Variants in FYB1 observed in about 807,000 individuals in gnomAD.
The protein encoded by FYB1 is FYN binding protein 1.
FYB1 carries 41 observed loss-of-function variants against 94.1 expected under a neutral mutation model. The ratio of observed to expected loss-of-function variants is 0.44; its 90% confidence interval spans 0.34 to 0.57. The LOEUF (loss-of-function observed/expected upper bound fraction) is 0.57. Among genes scored for constraint, FYB1 ranks in the 20% least tolerant of loss-of-function variants. FYB1 has a pLI of 0.02. For missense variants in FYB1, 1,050 were observed against 976.8 expected (o/e 1.07, Z -1.00); for synonymous variants, 367 against 353.2 (o/e 1.04, Z -0.44).
rs1442591393 is a variant in FYB1, at chr5:39,263,503, A to G, written c.-28+10900T>C. The stretch of plus-strand genomic sequence containing the variant: ...GTGTGTGGAGTGATATTAGCCTATC[A>G]CTCAGGACTATGATTGGCCTCCACA... On this transcript the variant is annotated intron_variant, in intron 1 of 1. Coordinates refer to the FYB1 transcript ENST00000510188. 2.0e-5 allele frequency among the ~76,000 whole-genome samples: 3 copies of G among 151,972 alleles called. No individual in the cohort carries two copies. The East Asian group carries it at 5.8e-4, about 29-fold the overall frequency.
chr5:39,152,300 G>A (rs1235503573), intron 3 of FYB1, among the ~76,000 whole-genome samples: 1 of 152,134 alleles, frequency 6.6e-6, no homozygotes, highest in Non-Finnish European at 1.5e-5. Context: ...AAATGGTGGT[G>A]TTTTTCCATG....
At chr5:39,262,134 A>G (rs950675721) in intron 1 of FYB1, among the ~76,000 whole-genome samples, 1 of 152,174 alleles carries the variant, frequency 6.6e-6, no homozygotes, top group Admixed American at 6.5e-5. Context: ...AATGATAAAG[A>G]CTTATTTTAA....
At chr5:39,234,200 T>A (rs1750862580) in intron 1 of FYB1, among the ~76,000 whole-genome samples, 1 of 152,152 alleles carries the variant, frequency 6.6e-6, no homozygotes, top group Admixed American at 6.6e-5. Context: ...ATAAAGAGTA[T>A]GAGAAAAGGT....
chr5:39,180,364 A>G (rs895816084), intron 2 of FYB1, among the ~76,000 whole-genome samples: 1 of 152,146 alleles, frequency 6.6e-6, no homozygotes, highest in Non-Finnish European at 1.5e-5. Flanking sequence ...GATGCCCTTC[A>G]CCAGCGCTTA....
rs994372276 is a variant in FYB1 at position 39,244,851 on chromosome 5, T to C, written c.-28+29552A>G. Among the ~76,000 whole-genome samples, 5 of 152,354 alleles carry C rather than the reference T, an allele frequency of 3.3e-5. No homozygotes were observed. The South Asian group carries it at 1.0e-3, about 32-fold the overall frequency. On this transcript the variant is annotated intron_variant, in intron 1 of 1. Coordinates refer to the FYB1 transcript ENST00000510188. ...TTGGTGTATTCAGAGATTCAACTTCTTCCTGGTTTAGTCTTGGGAGGGTGT... is the reference window on the plus strand; with the variant it reads ...TTGGTGTATTCAGAGATTCAACTTCCTCCTGGTTTAGTCTTGGGAGGGTGT...
intron 1 of FYB1, among the ~76,000 whole-genome samples, chr5:39,253,480 T>A (rs1319898721): frequency 6.6e-6 from 1 of 152,052 alleles, no homozygotes; most frequent in Non-Finnish European, 1.5e-5. Flanking sequence ...TTAAAAAAAA[T>A]ATTTTAGGTT....
intron 2 of FYB1, among the ~76,000 whole-genome samples, chr5:39,165,297 G>A (rs972076198): frequency 6.6e-6 from 1 of 152,050 alleles, no homozygotes; most frequent in Non-Finnish European, 1.5e-5. Flanking sequence ...TAGACACATA[G>A]GTCAATGGAA....
intron 1 of FYB1, among the ~76,000 whole-genome samples, chr5:39,268,240 C>CTTTTTTTT (rs112656513): frequency 7.1e-6 from 1 of 140,984 alleles, no homozygotes; most frequent in African/African-American, 2.6e-5. Flanking sequence ...TTCTTTTTTT[C>CTTTTTTTT]TTTTTTTTTT....
chr5:39,254,352 C>T (rs1366170530), intron 1 of FYB1, among the ~76,000 whole-genome samples: 1 of 152,160 alleles, frequency 6.6e-6, no homozygotes, highest in African/African-American at 2.4e-5. Flanking sequence ...ACCTAGCCAG[C>T]ATCTGTTATT....
chr5:39,166,767 A>G (rs768796653), intron 2 of FYB1, among the ~76,000 whole-genome samples: 2 of 152,092 alleles, frequency 1.3e-5, no homozygotes, highest in Admixed American at 6.5e-5. Flanking sequence ...AGACGCGGAC[A>G]TAGAGTGTGA....
At chr5:39,168,858 T>C (rs1284185636) in intron 2 of FYB1, among the ~76,000 whole-genome samples, 3 of 152,164 alleles carry the variant, frequency 2.0e-5, no homozygotes, top group Non-Finnish European at 4.4e-5. Context: ...TGTCACTAAA[T>C]ACAATTAGTT....
intron 1 of FYB1, among the ~76,000 whole-genome samples, chr5:39,218,250 T>C (rs545117059): frequency 6.6e-6 from 1 of 152,356 alleles, no homozygotes; most frequent in East Asian, 1.9e-4. Context: ...ACGCCTTTGA[T>C]ATTCAGGATC....
chr5:39,229,777 G>C (rs772928176), intron 1 of FYB1, among the ~76,000 whole-genome samples: 1 of 152,150 alleles, frequency 6.6e-6, no homozygotes, highest in Non-Finnish European at 1.5e-5. Flanking sequence ...AGGCAGAAGA[G>C]GTCCTGAAAC....
At chr5:39,112,653 C>T (rs1328673196) in intron 16 of FYB1, among the ~76,000 whole-genome samples, 3 of 151,964 alleles carry the variant, frequency 2.0e-5, no homozygotes, top group Non-Finnish European at 4.4e-5. Flanking sequence ...TTGGATAAAA[C>T]ACTAAACGAA....
At chr5:39,240,433 G>T (rs1446101651) in intron 1 of FYB1, among the ~76,000 whole-genome samples, 1 of 152,104 alleles carries the variant, frequency 6.6e-6, no homozygotes, top group Non-Finnish European at 1.5e-5. Context: ...ACCTGACAAA[G>T]GTCTAACATC....
Position 39,145,795 on chromosome 5 carries a change from T to G in FYB1, c.1293-4654A>C, listed in dbSNP as rs78515110. Reference sequence around the variant, plus strand: ...ACATATTAACAGTAAACTCACATGCTGTCTGAACTCTCTCTGGTTTCTTGT... The same window carrying G: ...ACATATTAACAGTAAACTCACATGCGGTCTGAACTCTCTCTGGTTTCTTGT... On this transcript the variant is annotated intron_variant, in intron 3 of 18. Coordinates refer to ENST00000512982, the MANE Select transcript of FYB1 (RefSeq NM_001465.6). Among the ~76,000 whole-genome samples the G allele has an allele frequency of 2.9e-3, 440 of 152,268 alleles. 2 individuals are homozygous for G. The highest frequency in any genetic ancestry group is 0.01 in the African/African-American group (432 of 41,584).
At chr5:39,135,818 T>A (rs901570363) in intron 7 of FYB1, among the ~76,000 whole-genome samples, 1 of 152,162 alleles carries the variant, frequency 6.6e-6, no homozygotes, top group Non-Finnish European at 1.5e-5. Context: ...TCAGTTCTCA[T>A]ATTTATTTAA....
At chr5:39,265,899 C>T (rs1357183259) in intron 1 of FYB1, among the ~76,000 whole-genome samples, 1 of 151,950 alleles carries the variant, frequency 6.6e-6, no homozygotes, top group African/African-American at 2.4e-5. Flanking sequence ...GACTACACTC[C>T]TTTCAGGAGC....
At chr5:39,121,257 C>A (rs1236793003) in intron 14 of FYB1, among the ~76,000 whole-genome samples, 1 of 148,212 alleles carries the variant, frequency 6.7e-6, no homozygotes, top group African/African-American at 2.5e-5. Flanking sequence ...ATAGTAAAAC[C>A]TGAACATATT....
Sources: allele counts gnomAD v4.1 joint callset (sites outside exome capture counted in the v4.1 genomes callset), GRCh38; gene constraint gnomAD v4.1.1; transcripts MANE v1.5; gene names NCBI Gene and HGNC (gene_info 2026-07-23, HGNC 2026-07-21).